SLC6A18: variants seen among roughly 807,000 people sequenced by gnomAD.
The protein encoded by SLC6A18 is solute carrier family 6 member 18.
A neutral mutation model predicts 62.9 loss-of-function variants in SLC6A18; 58 were observed. The observed-to-expected ratio is 0.92, with a 90% CI of 0.75 to 1.15. The LOEUF is 1.15. Among genes scored for constraint, SLC6A18 ranks in the 50% most tolerant of loss-of-function variants. The pLI, the probability that SLC6A18 is intolerant of heterozygous loss-of-function variation, is 0.00. For missense variants in SLC6A18, 793 were observed against 836.6 expected (o/e 0.95, Z 0.64); for synonymous variants, 382 against 365.8 (o/e 1.04, Z -0.51).
At chr5:1,232,136 C>A in intron 1 of SLC6A18, 83 bp from the exon 2 acceptor site, 1 of 1,306,458 alleles carries the variant, frequency 7.7e-7, no homozygotes, top group Non-Finnish European at 1.1e-6. Flanking sequence ...CCCTTGAAGA[C>A]CACAGGTGGC....
chr5:1,242,532 G>A (rs1747089841), intron 7 of SLC6A18, among the ~76,000 whole-genome samples, 175 bp from the exon 8 acceptor site: 3 of 149,634 alleles, frequency 2.0e-5, no homozygotes. Flanking sequence ...CCCAACAGGG[G>A]CAGGAGGCGT....
At chr5:1,242,425 A>AGCCCTCCCAGGGATGTTGTG (rs1561180389) in intron 7 of SLC6A18, among the ~76,000 whole-genome samples, 8 of 67,952 alleles carry the variant, frequency 1.2e-4, no homozygotes, top group African/African-American at 3.8e-4. Flanking sequence ...GGAGGCGTCC[A>AGCCCTCCCAGGGATGTTGTG]CACGATCCCA....
In SLC6A18 at chr5:1,243,679, T is replaced by C; in HGVS notation, c.1256T>C (p.Phe419Ser). The change falls in exon 9 of 12, where the codon TTC becomes TCC. Residue 419 changes from phenylalanine to serine, a missense_variant. Coordinates refer to ENST00000324642, the MANE Select transcript of SLC6A18 (RefSeq NM_182632.3). The surrounding 1 kb of genome is among the most constrained non-coding windows in gnomAD (Gnocchi z 6.5). ...MLFTLGLSTM[F>S]GTVEAVITPL... ...TTCACCTTGGGGCTATCGACCATGTTCGGGACCGTGGAGGCGGTCATCACA... is the reference window on the plus strand; with the variant it reads ...TTCACCTTGGGGCTATCGACCATGTCCGGGACCGTGGAGGCGGTCATCACA... 6.2e-7 allele frequency: 1 copy of C among 1,614,014 alleles called. No individual in the cohort carries two copies. Among genetic ancestry groups the C allele is most frequent in the South Asian group, 1.1e-5 (1 of 91,078 alleles).
chr5:1,243,650 G>A lies in SLC6A18; in HGVS notation c.1227G>A (p.Met409Ile), dbSNP rs142581804. The A allele has an allele frequency of 3.2e-5, 51 of 1,614,120 alleles. No individual in the cohort carries two copies. The Middle Eastern group carries it at 4.9e-4, about 16-fold the overall frequency. ...APVWAMLFFG[M>I]LFTLGLSTMF... ...TGTGGGCCATGCTCTTCTTCGGGAT[G>A]CTGTTCACCTTGGGGCTATCGACCA... Residue 409 changes from methionine (M) to isoleucine (I), a missense_variant, in exon 9 of 12, where the codon ATG becomes ATA. Physicochemically the swap from Met to Ile is conservative, Grantham distance 10 (BLOSUM62 1). Transcript: ENST00000324642. The surrounding 1 kb of genome is among the most constrained non-coding windows in gnomAD (Gnocchi z 6.5).
rs957846757 is a variant in SLC6A18 at position 1,235,760 on chromosome 5, C to T, written c.621+98C>T. On this transcript the variant is annotated intron_variant, in intron 4 of 11. Coordinates refer to ENST00000324642, the MANE Select transcript of SLC6A18 (RefSeq NM_182632.3). ...TTCGCTTTGTGTCTACAAGCTCTTG[C>T]GAGGGGCATAAACATCTAGGATTGC... 44 of 1,248,404 alleles carry T rather than the reference C, an allele frequency of 3.5e-5. 1 individual carries two copies. The highest frequency in any genetic ancestry group is 1.1e-4 in the African/African-American group (7 of 66,106). 77.3% of individuals were successfully genotyped at this position (1,248,404 alleles called of 1,614,324 possible). A position where few individuals can be genotyped will look rare whatever the true frequency, so the allele number is the denominator to read the frequency against.
At chr5:1,227,013 G>A (rs145337213) in intron 1 of SLC6A18, among the ~76,000 whole-genome samples, 90 of 70,982 alleles carry the variant, frequency 1.3e-3, no homozygotes, top group Middle Eastern at 7.5e-3. Context: ...TGCCTTGCCC[G>A]CCGACGCGCC....
chr5:1,237,240 CAAAAAAAA>C (rs61528804), intron 4 of SLC6A18, among the ~76,000 whole-genome samples: 1 of 76,482 alleles, frequency 1.3e-5, no homozygotes, highest in African/African-American at 5.4e-5. Context: ...GACTCTGTCT[CAAAAAAAA>C]AAAAAAAAAA....
At chr5:1,226,530 G>A (rs181926155) in intron 1 of SLC6A18, among the ~76,000 whole-genome samples, 3 of 152,252 alleles carry the variant, frequency 2.0e-5, no homozygotes, top group African/African-American at 4.8e-5. Context: ...CTTGTTATAA[G>A]GTTACTCCTT....
intron 3 of SLC6A18, among the ~76,000 whole-genome samples, chr5:1,233,868 A>G (rs1360791266): frequency 2.6e-5 from 4 of 151,842 alleles, no homozygotes; most frequent in South Asian, 2.1e-4. Flanking sequence ...CAGCCTCCCA[A>G]ATAGCTAGGA....
At chr5:1,233,945 G>T (rs1480473190) in intron 3 of SLC6A18, among the ~76,000 whole-genome samples, 2 of 152,108 alleles carry the variant, frequency 1.3e-5, no homozygotes, top group Non-Finnish European at 2.9e-5. Flanking sequence ...GTTTCACCAT[G>T]TTAGCCAGGA....
At chr5:1,232,488 G>C (rs1447507953) in intron 2 of SLC6A18, 129 bp downstream of exon 2, 1 of 1,300,082 alleles carries the variant, frequency 7.7e-7, no homozygotes, top group Admixed American at 2.4e-5. Flanking sequence ...CGGGTGGGGT[G>C]GCAGGGAGCC....
chr5:1,245,086 T>A (rs545148050), intron 11 of SLC6A18, among the ~76,000 whole-genome samples: 1 of 152,282 alleles, frequency 6.6e-6, no homozygotes, highest in East Asian at 1.9e-4. Flanking sequence ...TCCTTGGGGA[T>A]GTGGCTTCAT....
At chr5:1,244,580 T>A in intron 10 of SLC6A18, 28 bp from the exon 11 acceptor site, 1 of 1,573,872 alleles carries the variant, frequency 6.4e-7, no homozygotes, top group Non-Finnish European at 8.6e-7. Context: ...ACAGACCATG[T>A]GAAGCCTGAG....
chr5:1,238,599 A>T (rs56026791), intron 5 of SLC6A18, among the ~76,000 whole-genome samples: 457 of 12,558 alleles, frequency 0.036, 46 homozygotes, highest in African/African-American at 0.098. Context: ...GGAGTGAGCC[A>T]GGGGCCTCAG....
In SLC6A18 at chr5:1,243,667, T is replaced by A; in HGVS notation, c.1244T>A (p.Leu415Gln). ...TTCGGGATGCTGTTCACCTTGGGGC[T>A]ATCGACCATGTTCGGGACCGTGGAG... ...LFFGMLFTLG[L>Q]STMFGTVEAV... Residue 415 changes from leucine to glutamine, a missense_variant, in exon 9 of 12, where the codon CTA becomes CAA. Coordinates refer to ENST00000324642, the MANE Select transcript of SLC6A18 (RefSeq NM_182632.3). The surrounding 1 kb of genome is among the most constrained non-coding windows in gnomAD (Gnocchi z 6.5). The A allele has an allele frequency of 6.2e-7, 1 of 1,614,080 alleles. No homozygotes were observed. Among genetic ancestry groups the A allele is most frequent in the Non-Finnish European group, 8.5e-7 (1 of 1,179,986 alleles).
At chr5:1,245,627 C>T (rs1380436139) in intron 11 of SLC6A18, among the ~76,000 whole-genome samples, 2 of 152,228 alleles carry the variant, frequency 1.3e-5, no homozygotes, top group African/African-American at 4.8e-5. Flanking sequence ...CTCGGGGAGG[C>T]CCCAGCCCCA....
Position 1,240,639 on chromosome 5 carries a change from C to T in SLC6A18, c.954C>T (p.Asp318=). Residue 318 remains aspartate, a synonymous_variant, in exon 7 of 12, where the codon GAC becomes GAT. Transcript: ENST00000324642. ...FSVLGFKATN[D]YEHCLDRNIL... is the part of the protein sequence containing the mutation. ...TCCTGGGGTTCAAAGCAACTAATGA[C>T]TACGAGCACTGCCTGGACAGGTGAG... The T allele has an allele frequency of 6.2e-7, 1 of 1,614,098 alleles. No individual in the cohort carries two copies. The highest frequency in any genetic ancestry group is 1.3e-5 in the African/African-American group (1 of 75,056).
chr5:1,235,638 C>T lies in SLC6A18; in HGVS notation c.597C>T (p.Ile199=). ...ASWAVVYMCV[I]RGIETTGKVI... ...GGGCAGTCGTGTACATGTGTGTCAT[C>T]AGGGGCATTGAGACTACAGGGAAGG... is the stretch of plus-strand genomic sequence containing the variant. The change falls in exon 4 of 12, where the codon ATC becomes ATT. Residue 199 remains isoleucine, a synonymous_variant. Transcript: ENST00000324642. The T allele has an allele frequency of 6.2e-7, 1 of 1,613,920 alleles. No individual in the cohort carries two copies. Among genetic ancestry groups the T allele is most frequent in the Non-Finnish European group, 8.5e-7 (1 of 1,179,988 alleles).
intron 1 of SLC6A18, among the ~76,000 whole-genome samples, chr5:1,230,204 G>C (rs1746694010): frequency 6.7e-6 from 1 of 149,630 alleles, no homozygotes; most frequent in Non-Finnish European, 1.5e-5. Context: ...TGGAGGTGGG[G>C]GAAGAGGGGC....
Sources: gnomAD v4.1 joint callset for allele counts (sites outside exome capture counted in the v4.1 genomes callset) on GRCh38, gnomAD v4.1.1 for gene constraint, Gnocchi (gnomAD v3.1) non-coding constraint, MANE v1.5 for transcripts, NCBI Gene and HGNC (gene_info 2026-07-23, HGNC 2026-07-21) for gene names.